The following IDO1 variants were observed in gnomAD, a reference collection of about 807,000 sequenced individuals.
IDO1 encodes the protein indoleamine 2,3-dioxygenase 1, also known as indolamine 2,3 dioxygenase.
Under a neutral mutation model 38.8 loss-of-function variants are expected in IDO1, and 35 were observed. That is an observed-to-expected ratio of 0.90 (90% confidence interval 0.69 to 1.20). The LOEUF (loss-of-function observed/expected upper bound fraction) is 1.20, where lower values mean the gene tolerates loss of function less well. Among genes scored for constraint, IDO1 ranks in the 50% most tolerant of loss-of-function variants. The probability of loss-of-function intolerance (pLI) is 0.00; values close to 1 mark genes in which losing one functional copy is unlikely to be tolerated. For synonymous variants in IDO1, 171 were observed against 170.0 expected, an observed-to-expected ratio of 1.01 and a Z score of -0.05; for missense variants, 509 against 485.1, an observed-to-expected ratio of 1.05 and a Z score of -0.46.
At chr8:39,922,968 A>G in intron 6 of IDO1, 1 of 299,830 alleles carries the variant, frequency 3.3e-6, no homozygotes, top group Non-Finnish European at 6.2e-6. Context: ...TGAAACATAT[A>G]CAACTATATA....
rs1456926886 is a variant in IDO1, at chr8:39,928,621, T to G, written c.*436T>G. Among the ~76,000 whole-genome samples the G allele has an allele frequency of 6.6e-6, 1 of 151,582 alleles. No individual in the cohort carries two copies. The highest frequency in any genetic ancestry group is 2.1e-4 in the South Asian group (1 of 4,812). On this transcript the variant is annotated 3_prime_UTR_variant, in exon 10 of 10. Coordinates refer to ENST00000518237, the MANE Select transcript of IDO1 (RefSeq NM_002164.6). Reference sequence around the variant, plus strand: ...GGTGGCGGGCACCTGTAGTCCCAGCTACTCGGGAGGCTGAGGCAGGAGAAT... The same window carrying G: ...GGTGGCGGGCACCTGTAGTCCCAGCGACTCGGGAGGCTGAGGCAGGAGAAT...
chr8:39,914,321 T>C (rs1807140997), intron 1 of IDO1: 1 of 180,650 alleles, frequency 5.5e-6, no homozygotes, highest in Middle Eastern at 2.4e-3. Flanking sequence ...ATGAGGTTAT[T>C]ACAGTTGTAT....
At position 39,925,329 on chromosome 8, in the gene IDO1, TGCTTTGACGTCCTGCTGGGCATCCA is replaced by T; in HGVS notation, c.817_841del (p.Phe273ArgfsTer15). 1 of 1,613,150 alleles carries T rather than the reference TGCTTTGACGTCCTGCTGGGCATCCA, an allele frequency of 6.2e-7. No individual in the cohort carries two copies. The highest frequency in any genetic ancestry group is 8.5e-7 in the Non-Finnish European group (1 of 1,179,576). ...TGCAGGCCAAAGCAGCGTCTTTCAG[TGCTTTGACGTCCTGCTGGGCATCCA>T]GCAGACTGCTGGTGGAGGTGAGTGG... On this transcript the variant is annotated frameshift_variant, in exon 9 of 10. Transcript: ENST00000518237. LOFTEE classifies it low-confidence loss of function (END_TRUNC).
At chr8:39,919,829 G>C (rs1807245782) in intron 4 of IDO1, among the ~76,000 whole-genome samples, 1 of 152,094 alleles carries the variant, frequency 6.6e-6, no homozygotes. Context: ...GACAGAATGA[G>C]ACCCTGTCTC....
intron 1 of IDO1, among the ~76,000 whole-genome samples, chr8:39,916,654 G>C (rs1181134481): frequency 2.6e-5 from 4 of 152,156 alleles, no homozygotes; most frequent in Non-Finnish European, 5.9e-5. Context: ...CTGCTTCTTA[G>C]TCCAAAGGAA....
intron 5 of IDO1, chr8:39,920,914 G>A (rs1384583568): frequency 1.3e-5 from 2 of 152,150 alleles, no homozygotes. Flanking sequence ...AAGAGGAAAG[G>A]CAGTATATGA....
At chr8:39,920,844 A>T (rs1184004414) in intron 5 of IDO1, 7 of 152,004 alleles carry the variant, frequency 4.6e-5, no homozygotes, top group African/African-American at 1.2e-4. Context: ...AAAAAAAAAG[A>T]TGGAAAAACT....
chr8:39,927,964 G>A lies in IDO1; in HGVS notation c.991G>A (p.Ala331Thr). 6.2e-7 allele frequency: 1 copy of A among 1,604,660 alleles called. No individual in the cohort carries two copies. The highest frequency in any genetic ancestry group is 1.1e-5 in the South Asian group (1 of 89,226). Reference sequence around the variant, plus strand: ...AAAAGGTGATGCTGGCCTGCGGGAAGCTTATGACGCCTGTGTGAAAGCTCT... The same window carrying A: ...AAAAGGTGATGCTGGCCTGCGGGAAACTTATGACGCCTGTGTGAAAGCTCT... ...LSKGDAGLREAYDACVKALVS... is the reference protein window; with the variant it reads ...LSKGDAGLRETYDACVKALVS... Residue 331 changes from alanine to threonine, a missense_variant, in exon 10 of 10, where the codon GCT (alanine) becomes ACT (threonine). Physicochemically the swap from Ala to Thr is moderately conservative, Grantham distance 58 (BLOSUM62 0). Coordinates refer to ENST00000518237, the MANE Select transcript of IDO1 (RefSeq NM_002164.6).
chr8:39,925,951 G>T (rs906430410), intron 9 of IDO1, among the ~76,000 whole-genome samples: 2 of 151,972 alleles, frequency 1.3e-5, no homozygotes, highest in Non-Finnish European at 2.9e-5. Flanking sequence ...ACTTTGGGAG[G>T]CCGAGGCGGG....
rs773520481 is a variant in IDO1 at position 39,923,585 on chromosome 8, C to A, written c.654C>A (p.His218Gln). 7 of 1,580,308 alleles carry A rather than the reference C, an allele frequency of 4.4e-6. No homozygotes were observed. The highest frequency in any genetic ancestry group is 6.1e-6 in the Non-Finnish European group (7 of 1,149,624). ...EKALQVFHQIHDHVNPKAFFS... is the reference protein window; with the variant it reads ...EKALQVFHQIQDHVNPKAFFS... ...CCCTTCAAGTGTTTCACCAAATCCA[C>A]GGCAAGTGTTGTGTGCAGTGCAATA... The change falls in exon 7 of 10, where the codon CAC becomes CAA. Residue 218 changes from histidine to glutamine, a missense_variant and splice_region_variant. Physicochemically the swap from His to Gln is conservative, Grantham distance 24. Transcript: ENST00000518237.
At position 39,918,937 on chromosome 8, in the gene IDO1, T is replaced by C. The variant is rs369669247; in HGVS notation, c.422+4T>C. 4.8e-6 allele frequency: 7 copies of C among 1,465,606 alleles called. No individual in the cohort carries two copies. The highest frequency in any genetic ancestry group is 2.8e-5 in the African/African-American group (2 of 71,830). 90.8% of individuals were successfully genotyped at this position (1,465,606 alleles called of 1,614,324 possible). Reference sequence around the variant, plus strand: ...GGAAGAAAAAGGATCCTAATAAGTATGTAAACAGTGATAACAACAGGAATT... The same window carrying C: ...GGAAGAAAAAGGATCCTAATAAGTACGTAAACAGTGATAACAACAGGAATT... On this transcript the variant is annotated splice_donor_region_variant and intron_variant, in intron 4 of 9. Transcript: ENST00000518237.
At chr8:39,927,579 G>T (rs1289502871) in intron 9 of IDO1, among the ~76,000 whole-genome samples, 2 of 147,102 alleles carry the variant, frequency 1.4e-5, no homozygotes, top group African/African-American at 5.0e-5. Flanking sequence ...AAAAAAAAGC[G>T]CAAACAAAAA....
Position 39,928,595 on chromosome 8 carries a change from C to T in IDO1, c.*410C>T, listed in dbSNP as rs1422590979. ...AAAAATACAAAAAATTAGCCGGGCGCGGTGGCGGGCACCTGTAGTCCCAGC... is the reference window on the plus strand; with the variant it reads ...AAAAATACAAAAAATTAGCCGGGCGTGGTGGCGGGCACCTGTAGTCCCAGC... On this transcript the variant is annotated 3_prime_UTR_variant, in exon 10 of 10. Coordinates refer to ENST00000518237, the MANE Select transcript of IDO1 (RefSeq NM_002164.6). Among the ~76,000 whole-genome samples, 7 of 151,874 alleles carry T rather than the reference C, an allele frequency of 4.6e-5. No homozygotes were observed. The highest frequency in any genetic ancestry group is 1.9e-4 in the East Asian group (1 of 5,148).
At position 39,924,717 on chromosome 8, in the gene IDO1, A is replaced by C; in HGVS notation, c.656-4A>C. 6.3e-7 allele frequency: 1 copy of C among 1,595,972 alleles called. No homozygotes were observed. Among genetic ancestry groups the C allele is most frequent in the South Asian group, 1.1e-5 (1 of 90,326 alleles). ...TTAATTAAACATATTCCATCTTTTT[A>C]CAGATCATGTGAACCCAAAAGCATT... On this transcript the variant is annotated splice_region_variant and splice_polypyrimidine_tract_variant and intron_variant, in intron 7 of 9. Coordinates refer to ENST00000518237, the MANE Select transcript of IDO1 (RefSeq NM_002164.6).
At chr8:39,914,285 A>G in intron 1 of IDO1, 1 of 273,156 alleles carries the variant, frequency 3.7e-6, no homozygotes, top group Non-Finnish European at 7.0e-6. Flanking sequence ...AGCTTTACAT[A>G]AGAATTATAT....
At position 39,924,110 on chromosome 8, in the gene IDO1, GC is replaced by G. The variant is rs78879167; in HGVS notation, c.655+527del. On this transcript the variant is annotated intron_variant, in intron 7 of 9. Coordinates refer to ENST00000518237, the MANE Select transcript of IDO1 (RefSeq NM_002164.6). ...AGCAGTAATTTGCAATAGGAAATCTGCCCTACTGAACAGACTCAACAAATAC... is the reference window on the plus strand; with the variant it reads ...AGCAGTAATTTGCAATAGGAAATCTGCCTACTGAACAGACTCAACAAATAC... Among the ~76,000 whole-genome samples, 974 of 152,224 alleles carry G rather than the reference GC, an allele frequency of 6.4e-3. 20 individuals are homozygous for G. Among genetic ancestry groups the G allele is most frequent in the East Asian group, 0.06 (313 of 5,184 alleles).
chr8:39,923,418 A>AT, intron 6 of IDO1, 51 bp from the exon 7 acceptor site: 2 of 1,120,292 alleles, frequency 1.8e-6, no homozygotes, highest in Non-Finnish European at 2.6e-6. Context: ...AAAAAAAAAA[A>AT]AAAGAAAGAA....
At chr8:39,914,753 GTTAT>G (rs960627090) in intron 1 of IDO1, among the ~76,000 whole-genome samples, 1 of 151,788 alleles carries the variant, frequency 6.6e-6, no homozygotes, top group African/African-American at 2.4e-5. Context: ...AGTTATGTAT[GTTAT>G]TTATTTATTA....
In IDO1 at chr8:39,927,948, T is replaced by A. The variant is rs1322659842; in HGVS notation, c.975T>A (p.Asp325Glu). ...GTGAGTTTGTCCTTTCAAAAGGTGATGCTGGCCTGCGGGAAGCTTATGACG... is the reference window on the plus strand; with the variant it reads ...GTGAGTTTGTCCTTTCAAAAGGTGAAGCTGGCCTGCGGGAAGCTTATGACG... ...SVREFVLSKG[D>E]AGLREAYDAC... The change falls in exon 10 of 10, where the codon GAT (aspartate) becomes GAA (glutamate). Residue 325 changes from aspartate (D) to glutamate (E), a missense_variant. Asp to Glu is a conservative substitution (Grantham distance 45). Coordinates refer to ENST00000518237, the MANE Select transcript of IDO1 (RefSeq NM_002164.6). The A allele has an allele frequency of 6.2e-7, 1 of 1,605,572 alleles. No homozygotes were observed. The highest frequency in any genetic ancestry group is 8.5e-7 in the Non-Finnish European group (1 of 1,175,928).
Sources: gnomAD v4.1 joint callset for allele counts (sites outside exome capture counted in the v4.1 genomes callset) on GRCh38, gnomAD v4.1.1 for gene constraint, MANE v1.5 for transcripts, NCBI Gene and HGNC (gene_info 2026-07-23, HGNC 2026-07-21) for gene names.